Variants in GDA observed in about 807,000 individuals in gnomAD.
GDA encodes cytoplasmic PSD-95 interactor.
Under a neutral mutation model 59.6 loss-of-function variants are expected in GDA, and 18 were observed. The ratio of observed to expected loss-of-function variants is 0.30; its 90% confidence interval spans 0.21 to 0.45. GDA has a LOEUF of 0.45. Among genes scored for constraint, GDA ranks in the 20% least tolerant of loss-of-function variants. GDA has a pLI of 1.00. For missense variants in GDA, 427 were observed against 552.3 expected (o/e 0.77, Z 2.27); for synonymous variants, 201 against 201.1 (o/e 1.00, Z 0.00).
intron 1 of GDA, among the ~76,000 whole-genome samples, chr9:72,127,636 CAAAAAAAAAAA>C (rs369132489): frequency 8.3e-6 from 1 of 120,832 alleles, no homozygotes; most frequent in African/African-American, 3.2e-5. Context: ...GACTCTGTCT[CAAAAAAAAAAA>C]AAAAAGAAAG....
In GDA at chr9:72,163,852, G is replaced by A. The variant is rs949019507; in HGVS notation, c.123+14170G>A. ...GCTGTTAGATAAAACTGTTTCAGGT[G>A]CAGGAGGCAGTTTCAGGTGCAGGAG... On this transcript the variant is annotated intron_variant, in intron 1 of 13. Coordinates refer to ENST00000358399, the MANE Select transcript of GDA (RefSeq NM_004293.5). Among the ~76,000 whole-genome samples, 3 of 152,246 alleles carry A rather than the reference G, an allele frequency of 2.0e-5. No homozygotes were observed. The East Asian group carries it at 5.8e-4, about 29-fold the overall frequency.
At chr9:72,241,376 A>C in intron 11 of GDA, 78 bp downstream of exon 11, 3 of 1,072,960 alleles carry the variant, frequency 2.8e-6, no homozygotes, top group Non-Finnish European at 4.0e-6. Context: ...ATGAAGATGC[A>C]TGATTGGTAT....
chr9:72,184,730 T>C (rs1056895833), intron 1 of GDA, among the ~76,000 whole-genome samples: 3 of 152,232 alleles, frequency 2.0e-5, no homozygotes, highest in African/African-American at 4.8e-5. Flanking sequence ...CCAAGGGCAT[T>C]TGATCAGTCC....
chr9:72,225,956 G>A (rs995801648), intron 8 of GDA, among the ~76,000 whole-genome samples, 172 bp downstream of exon 8: 7 of 151,632 alleles, frequency 4.6e-5, no homozygotes, highest in African/African-American at 1.5e-4. Context: ...TGGGGTACAT[G>A]TGTATACATT....
rs878896418 is a variant in GDA at position 72,248,164 on chromosome 9, G to C, written c.1295-108G>C. ...GAGGGTTGGGGGAAAGCAGCTTTTA[G>C]TATTTCCTCTCCTAGAAGTATCTTT... On this transcript the variant is annotated intron_variant, in intron 13 of 13. Transcript: ENST00000358399. The C allele has an allele frequency of 1.4e-5, 11 of 774,478 alleles. No individual in the cohort carries two copies. In the South Asian group the frequency reaches 1.6e-4, roughly 12 times the overall value. 48.0% of individuals were successfully genotyped at this position (774,478 alleles called of 1,614,324 possible).
At chr9:72,256,583 C>T (rs989467201), downstream of GDA, among the ~76,000 whole-genome samples, 4 of 152,180 alleles carry the variant, frequency 2.6e-5, no homozygotes, top group Non-Finnish European at 4.4e-5. Flanking sequence ...CATGTGAAAA[C>T]TCAAAAAGGT....
intron 1 of GDA, among the ~76,000 whole-genome samples, chr9:72,153,597 T>C (rs2130755483): frequency 6.6e-6 from 1 of 150,934 alleles, no homozygotes; most frequent in Non-Finnish European, 1.5e-5. Flanking sequence ...CCATCAATGA[T>C]AGACTGGATT....
At chr9:72,243,903 C>T (rs1839878672) in intron 11 of GDA, among the ~76,000 whole-genome samples, 2 of 152,164 alleles carry the variant, frequency 1.3e-5, no homozygotes, top group Non-Finnish European at 2.9e-5. Context: ...AGGCTGAGCA[C>T]AGTGGCTCAC....
At chr9:72,177,627 A>C (rs10869139) in intron 1 of GDA, among the ~76,000 whole-genome samples, 119,872 of 151,610 alleles carry the variant, frequency 0.79, 47,467 homozygotes, top group Middle Eastern at 0.84. Context: ...GTGCTTGCCA[A>C]CTCCTTCTTC....
intron 8 of GDA, among the ~76,000 whole-genome samples, chr9:72,227,096 C>T (rs369294522): frequency 2.0e-5 from 3 of 151,954 alleles, no homozygotes; most frequent in Non-Finnish European, 4.4e-5. Flanking sequence ...CCAGCCTGGG[C>T]GACAGAGTGA....
chr9:72,188,807 A>C (rs1832161150), intron 1 of GDA, among the ~76,000 whole-genome samples: 2 of 152,310 alleles, frequency 1.3e-5, no homozygotes, highest in South Asian at 4.1e-4. Context: ...CTGGGAGAGC[A>C]GCAGGCAGGA....
At chr9:72,155,631 G>A (rs755838323) in intron 1 of GDA, among the ~76,000 whole-genome samples, 233 of 152,306 alleles carry the variant, frequency 1.5e-3, no homozygotes, top group Middle Eastern at 3.4e-3. Context: ...GGAGGGCATC[G>A]GGGATGGTGG....
In GDA at chr9:72,250,329, T is replaced by C. The variant is rs1001215098; in HGVS notation, c.*1987T>C. 1.9e-5 allele frequency: 20 copies of C among 1,035,168 alleles called. No homozygotes were observed. Among genetic ancestry groups the C allele is most frequent in the Admixed American group, 1.6e-4 (3 of 18,450 alleles). The allele number at this position is 1,035,168 out of a possible 1,614,324, so 64.1% of individuals were successfully genotyped here. On this transcript the variant is annotated 3_prime_UTR_variant, in exon 14 of 14. Transcript: ENST00000358399. ...AGGGTGTACATTTTGATGTTGAACATCAGTTTTCATGTAGACTTAGGACTC... is the reference window on the plus strand; with the variant it reads ...AGGGTGTACATTTTGATGTTGAACACCAGTTTTCATGTAGACTTAGGACTC...
At chr9:72,118,273 CAAAAAAAAA>C (rs373179585) in intron 1 of GDA, among the ~76,000 whole-genome samples, 2 of 66,158 alleles carry the variant, frequency 3.0e-5, no homozygotes, top group Non-Finnish European at 5.2e-5. Context: ...GACTCCACCT[CAAAAAAAAA>C]AAAAAAAAAA....
intron 5 of GDA, among the ~76,000 whole-genome samples, chr9:72,217,173 G>A (rs1425142729): frequency 6.6e-6 from 1 of 152,206 alleles, no homozygotes; most frequent in Non-Finnish European, 1.5e-5. Context: ...CAGTATGTGG[G>A]TGAGATTGTG....
At chr9:72,188,244 T>C (rs1832090608) in intron 1 of GDA, among the ~76,000 whole-genome samples, 1 of 152,206 alleles carries the variant, frequency 6.6e-6, no homozygotes, top group Non-Finnish European at 1.5e-5. Context: ...CAATGGGAGA[T>C]AGACCCTGAA....
Position 72,223,268 on chromosome 9 carries a change from C to A in GDA, c.714+41C>A, listed in dbSNP as rs1176198546. ...CTCTTTATGCCTCTATGCAGACCTG[C>A]AAGATTTCTCAGCACCCTTAAATCA... On this transcript the variant is annotated intron_variant, in intron 7 of 13. Transcript: ENST00000358399. The A allele has an allele frequency of 9.7e-6, 10 of 1,033,288 alleles. No individual in the cohort carries two copies. The Admixed American group carries it at 1.7e-4, about 18-fold the overall frequency. 64.0% of individuals were successfully genotyped at this position (1,033,288 alleles called of 1,614,324 possible). A position where few individuals can be genotyped will look rare whatever the true frequency, so the allele number is the denominator to read the frequency against.
intron 1 of GDA, among the ~76,000 whole-genome samples, chr9:72,126,963 C>T (rs764576304): frequency 6.6e-5 from 10 of 151,938 alleles, no homozygotes; most frequent in African/African-American, 1.7e-4. Flanking sequence ...AATTACTAGC[C>T]GCGATAGATC....
At chr9:72,129,811 AG>A (rs1825964464) in intron 1 of GDA, among the ~76,000 whole-genome samples, 1 of 152,138 alleles carries the variant, frequency 6.6e-6, no homozygotes, top group African/African-American at 2.4e-5. Flanking sequence ...CATTAACCAG[AG>A]GGTTGCTTGG....
Sources: gnomAD v4.1 joint callset for allele counts (sites outside exome capture counted in the v4.1 genomes callset) on GRCh38, gnomAD v4.1.1 for gene constraint, MANE v1.5 for transcripts, NCBI Gene and HGNC (gene_info 2026-07-23, HGNC 2026-07-21) for gene names.